EPAS1: variants seen among roughly 807,000 people sequenced by gnomAD.
EPAS1 encodes endothelial PAS domain-containing protein 1.
EPAS1 carries 23 observed loss-of-function variants against 87.9 expected under a neutral mutation model. That is an observed-to-expected ratio of 0.26 (90% CI 0.19 to 0.37). The LOEUF (loss-of-function observed/expected upper bound fraction) is 0.37. Ranked by LOEUF, EPAS1 falls within the 10% of genes least tolerant of loss-of-function variation. The pLI, the probability that EPAS1 is intolerant of heterozygous loss-of-function variation, is 1.00. For synonymous variants in EPAS1, 508 were observed against 444.3 expected, an observed-to-expected ratio of 1.14 and a Z score of -1.80; for missense variants, 1,138 against 1,120.7, an observed-to-expected ratio of 1.02 and a Z score of -0.22.
intron 1 of EPAS1, among the ~76,000 whole-genome samples, chr2:46,340,384 G>T (rs976254463): frequency 8.5e-5 from 13 of 152,198 alleles, no homozygotes; most frequent in African/African-American, 2.9e-4. Flanking sequence ...TGGAGGCTCA[G>T]CCCCAGCGGA....
chr2:46,315,229 A>G (rs1367590028), intron 1 of EPAS1, among the ~76,000 whole-genome samples: 1 of 152,182 alleles, frequency 6.6e-6, no homozygotes, highest in African/African-American at 2.4e-5. Context: ...ACCCGGAGGA[A>G]CTGTGTCCCT....
chr2:46,302,109 TC>T (rs1683012679), intron 1 of EPAS1, among the ~76,000 whole-genome samples: 1 of 103,004 alleles, frequency 9.7e-6, no homozygotes, highest in Non-Finnish European at 2.0e-5. Flanking sequence ...AGAATGTCCC[TC>T]TTTCTCTCTG....
intron 6 of EPAS1, among the ~76,000 whole-genome samples, chr2:46,368,823 G>A (rs1284921310): frequency 1.3e-5 from 2 of 152,202 alleles, no homozygotes; most frequent in African/African-American, 2.4e-5. Context: ...GTCTGTGAGA[G>A]AACCAAGATT....
At chr2:46,317,698 A>G (rs2104846811) in intron 1 of EPAS1, among the ~76,000 whole-genome samples, 1 of 152,342 alleles carries the variant, frequency 6.6e-6, no homozygotes, top group South Asian at 2.1e-4. Context: ...AAAGTCCTAG[A>G]TGGCATGTTC....
chr2:46,301,876 G>T (rs115545990), intron 1 of EPAS1, among the ~76,000 whole-genome samples: 85 of 150,408 alleles, frequency 5.7e-4, no homozygotes, highest in Non-Finnish European at 1.0e-3. Flanking sequence ...CCCAGTGTCT[G>T]TAAACTTTGA....
chr2:46,376,877 T>A, intron 9 of EPAS1, 124 bp downstream of exon 9: 1 of 989,992 alleles, frequency 1.0e-6, no homozygotes, highest in Non-Finnish European at 1.5e-6. Flanking sequence ...CCCCCAAGTC[T>A]TGTTAATCAC....
In EPAS1 at chr2:46,376,566, C is replaced by T. The variant is rs544584583; in HGVS notation, c.1062C>T (p.Phe354=). 4 of 1,614,120 alleles carry T rather than the reference C, an allele frequency of 2.5e-6. No homozygotes were observed. The African/African-American group carries it at 5.3e-5, about 22-fold the overall frequency. The change falls in exon 9 of 16, where the codon TTC becomes TTT. Residue 354 remains phenylalanine (F), a synonymous_variant. Coordinates refer to ENST00000263734, the MANE Select transcript of EPAS1 (RefSeq NM_001430.5). ...LSEIEKNDVV[F]SMDQTESLFK... The stretch of plus-strand genomic sequence containing the variant: ...AGATTGAGAAGAATGACGTGGTGTT[C>T]TCCATGGACCAGACTGAATCCCTGT...
intron 1 of EPAS1, among the ~76,000 whole-genome samples, chr2:46,345,261 G>T (rs1684001659): frequency 6.6e-6 from 1 of 151,970 alleles, no homozygotes; most frequent in South Asian, 2.1e-4. Flanking sequence ...TACCATGCCT[G>T]GCTTAGATGC....
chr2:46,303,074 GAAAGAAAGA>G (rs796696511), intron 1 of EPAS1, among the ~76,000 whole-genome samples: 26 of 152,176 alleles, frequency 1.7e-4, no homozygotes, highest in African/African-American at 6.0e-4. Context: ...CAACGTCAAA[GAAAGAAAGA>G]AAAGAAAGAA....
chr2:46,364,129 A>T (rs1203105695), intron 6 of EPAS1, among the ~76,000 whole-genome samples: 2 of 152,170 alleles, frequency 1.3e-5, no homozygotes, highest in African/African-American at 4.8e-5. Context: ...TCCCCTTTAG[A>T]GACAAATCCT....
At chr2:46,340,290 G>A (rs1260523148) in intron 1 of EPAS1, among the ~76,000 whole-genome samples, 1 of 151,724 alleles carries the variant, frequency 6.6e-6, no homozygotes, top group Admixed American at 6.5e-5. Context: ...CATGCTGGGT[G>A]AGCCCCAGAC....
intron 6 of EPAS1, among the ~76,000 whole-genome samples, chr2:46,365,591 C>T (rs896007604): frequency 6.6e-6 from 1 of 152,196 alleles, no homozygotes; most frequent in Admixed American, 6.5e-5. Context: ...CCTACAGGTA[C>T]CCTGTAACAC....
chr2:46,314,833 TC>T (rs1683280739), intron 1 of EPAS1, among the ~76,000 whole-genome samples: 1 of 152,074 alleles, frequency 6.6e-6, no homozygotes, highest in Non-Finnish European at 1.5e-5. Flanking sequence ...CCAACCCACT[TC>T]CATGACAGCA....
At chr2:46,301,137 T>G (rs1216728681) in intron 1 of EPAS1, among the ~76,000 whole-genome samples, 3 of 152,330 alleles carry the variant, frequency 2.0e-5, no homozygotes, top group Non-Finnish European at 4.4e-5. Flanking sequence ...ATTTCAAGTT[T>G]TTTTCAGTGG....
chr2:46,380,840 C>CT lies in EPAS1; in HGVS notation c.2045+125dup, dbSNP rs1684873682. 1 of 1,517,850 alleles carries CT rather than the reference C, an allele frequency of 6.6e-7. No homozygotes were observed. Among genetic ancestry groups the CT allele is most frequent in the African/African-American group, 1.4e-5 (1 of 72,878 alleles). The allele number at this position is 1,517,850 out of a possible 1,614,324, so 94.0% of individuals were successfully genotyped here. A position where few individuals can be genotyped will look rare whatever the true frequency, so the allele number is the denominator to read the frequency against. On this transcript the variant is annotated intron_variant, in intron 12 of 15. Coordinates refer to ENST00000263734, the MANE Select transcript of EPAS1 (RefSeq NM_001430.5). This position sits in a 1 kb window ranked among gnomAD's most constrained non-coding sequence, Gnocchi z 4.4. ...CAGCCATCTGATACCCCATTTAGCCCTTCTCTGAGCTCAGACTTTGGGGAA... is the reference window on the plus strand; with the variant it reads ...CAGCCATCTGATACCCCATTTAGCCCTTTCTCTGAGCTCAGACTTTGGGGAA...
chr2:46,355,471 C>T (rs1379379064), intron 2 of EPAS1, among the ~76,000 whole-genome samples: 1 of 152,186 alleles, frequency 6.6e-6, no homozygotes, highest in African/African-American at 2.4e-5. Context: ...GGACAAATGG[C>T]TTAACCTCTC....
intron 1 of EPAS1, among the ~76,000 whole-genome samples, chr2:46,316,061 C>T (rs1340133778): frequency 6.6e-6 from 1 of 152,198 alleles, no homozygotes; most frequent in East Asian, 1.9e-4. Flanking sequence ...GGTGAACATA[C>T]TTTTCTCTAT....
At chr2:46,350,403 C>G (rs1250676292) in intron 2 of EPAS1, among the ~76,000 whole-genome samples, 1 of 152,196 alleles carries the variant, frequency 6.6e-6, no homozygotes, top group Non-Finnish European at 1.5e-5. Context: ...TAACACGTTT[C>G]CCTTTGATTT....
At position 46,327,604 on chromosome 2, in the gene EPAS1, C is replaced by T. The variant is rs1469919002; in HGVS notation, c.27-19269C>T. 2.6e-5 allele frequency among the ~76,000 whole-genome samples: 4 copies of T among 152,166 alleles called. No individual in the cohort carries two copies. In the East Asian group the frequency reaches 7.7e-4, roughly 29 times the overall value. ...TACCTATTTGGAATATAAGGTGGGA[C>T]AAAGTTTATAAAACTCCATGTCTAA... On this transcript the variant is annotated intron_variant, in intron 1 of 15. Transcript: ENST00000263734.
Sources: allele counts gnomAD v4.1 joint callset (sites outside exome capture counted in the v4.1 genomes callset), GRCh38; gene constraint gnomAD v4.1.1; non-coding constraint Gnocchi (gnomAD v3.1); transcripts MANE v1.5; gene names NCBI Gene and HGNC (gene_info 2026-07-23, HGNC 2026-07-21).